The following TMEM117 variants were observed in gnomAD, a reference collection of about 807,000 sequenced individuals.
TMEM117 encodes transmembrane protein 117.
Under a neutral mutation model 52.4 loss-of-function variants are expected in TMEM117, and 27 were observed. That is an observed-to-expected ratio of 0.51 (90% confidence interval 0.38 to 0.71). The LOEUF (loss-of-function observed/expected upper bound fraction) is 0.71. Ranked by LOEUF, TMEM117 falls within the 30% of genes least tolerant of loss-of-function variation. The pLI, the probability that TMEM117 is intolerant of heterozygous loss-of-function variation, is 0.00. For missense variants in TMEM117, 556 were observed against 630.5 expected, an observed-to-expected ratio of 0.88 and a Z score of 1.26; for synonymous variants, 215 against 206.3, an observed-to-expected ratio of 1.04 and a Z score of -0.36.
chr12:44,106,581 T>C (rs1947957878), intron 3 of TMEM117, among the ~76,000 whole-genome samples: 1 of 151,998 alleles, frequency 6.6e-6, no homozygotes, highest in South Asian at 2.1e-4. Flanking sequence ...ATAGTAACTG[T>C]ATTTAACAAT....
At chr12:43,891,367 A>ATTTTTTTTTTTTTTTTTTTTTTTTTTTT (rs772754829) in intron 2 of TMEM117, among the ~76,000 whole-genome samples, 1 of 57,804 alleles carries the variant, frequency 1.7e-5, no homozygotes, top group African/African-American at 5.9e-5. Context: ...TACCTCTTGA[A>ATTTTTTTTTTTTTTTTTTTTTTTTTTTT]TTTTTTTTTT....
chr12:44,171,561 C>G (rs1949046967), intron 4 of TMEM117, among the ~76,000 whole-genome samples: 1 of 152,090 alleles, frequency 6.6e-6, no homozygotes, highest in African/African-American at 2.4e-5. Flanking sequence ...ATTTTTGAAG[C>G]CTCTGAATAC....
intron 3 of TMEM117, among the ~76,000 whole-genome samples, chr12:43,964,849 CT>C: frequency 6.6e-6 from 1 of 152,040 alleles, no homozygotes; most frequent in Non-Finnish European, 1.5e-5. Context: ...GAATGTCATC[CT>C]TAGTTAATAG....
At position 43,944,202 on chromosome 12, in the gene TMEM117, T is replaced by A; in HGVS notation, c.278-8T>A. On this transcript the variant is annotated splice_region_variant and splice_polypyrimidine_tract_variant and intron_variant, in intron 2 of 7. Coordinates refer to ENST00000266534, the MANE Select transcript of TMEM117 (RefSeq NM_032256.3). The stretch of plus-strand genomic sequence containing the variant: ...GTACATTAATTTTTAATAATATTTG[T>A]ATTTCAGGTCAGTTGCTCCGATTAA... 6.2e-7 allele frequency: 1 copy of A among 1,604,492 alleles called. No individual in the cohort carries two copies. Among genetic ancestry groups the A allele is most frequent in the Admixed American group, 1.7e-5 (1 of 57,986 alleles).
chr12:44,161,335 T>A (rs562255894), intron 4 of TMEM117, among the ~76,000 whole-genome samples: 1 of 152,312 alleles, frequency 6.6e-6, no homozygotes, highest in East Asian at 1.9e-4. Flanking sequence ...ATCTCAATTC[T>A]GATACTTAGT....
intron 3 of TMEM117, among the ~76,000 whole-genome samples, chr12:44,006,113 G>A (rs1946191142): frequency 6.6e-6 from 1 of 152,204 alleles, no homozygotes; most frequent in Admixed American, 6.6e-5. Context: ...CCCTGCAGCA[G>A]TATGGCACCA....
At chr12:44,077,304 C>G (rs1225618919) in intron 3 of TMEM117, among the ~76,000 whole-genome samples, 1 of 152,206 alleles carries the variant, frequency 6.6e-6, no homozygotes, top group African/African-American at 2.4e-5. Flanking sequence ...GTCAAGAACT[C>G]TGCTCTAAAG....
intron 4 of TMEM117, among the ~76,000 whole-genome samples, chr12:44,155,631 AG>A (rs1948815528): frequency 6.6e-6 from 1 of 152,132 alleles, no homozygotes; most frequent in Non-Finnish European, 1.5e-5. Flanking sequence ...CTCATCTAGT[AG>A]AAGTGTGAAA....
chr12:44,016,442 C>A (rs559584190), intron 3 of TMEM117, among the ~76,000 whole-genome samples: 1 of 152,348 alleles, frequency 6.6e-6, no homozygotes, highest in South Asian at 2.1e-4. Flanking sequence ...TGTGTCCCAC[C>A]TGCCCTAGGA....
chr12:44,332,545 A>G (rs1951284732), intron 6 of TMEM117, among the ~76,000 whole-genome samples: 1 of 152,100 alleles, frequency 6.6e-6, no homozygotes, highest in South Asian at 2.1e-4. Flanking sequence ...GGCATAATTA[A>G]TATCTAAATT....
intron 5 of TMEM117, among the ~76,000 whole-genome samples, chr12:44,273,220 G>A (rs535179495): frequency 2.6e-5 from 4 of 152,002 alleles, no homozygotes; most frequent in Admixed American, 6.5e-5. Context: ...AGGACCTGTT[G>A]TGGGGTGGAG....
intron 2 of TMEM117, among the ~76,000 whole-genome samples, chr12:43,880,295 C>G (rs1943873998): frequency 6.6e-6 from 1 of 152,104 alleles, no homozygotes. Flanking sequence ...ACTACTTGCA[C>G]TATATACTGT....
rs1162831228 is a variant in TMEM117, at chr12:44,144,984, C to T, written c.510+1360C>T. Among the ~76,000 whole-genome samples the T allele has an allele frequency of 1.1e-4, 17 of 152,108 alleles. 1 individual carries two copies. The highest frequency in any genetic ancestry group is 1.5e-5 in the Non-Finnish European group (1 of 67,982). On this transcript the variant is annotated intron_variant, in intron 4 of 7. Coordinates refer to ENST00000266534, the MANE Select transcript of TMEM117 (RefSeq NM_032256.3). ...CATCCTGGCTAACACGGTGAAACCC[C>T]ATCTCTACTAAAAATACAAAAAATT... is the stretch of plus-strand genomic sequence containing the variant.
chr12:44,306,477 CTA>C (rs1950905059), intron 6 of TMEM117, among the ~76,000 whole-genome samples: 1 of 151,878 alleles, frequency 6.6e-6, no homozygotes, highest in Non-Finnish European at 1.5e-5. Context: ...AGAGGAGAGA[CTA>C]TTAAAAAAAG....
At chr12:44,160,630 C>T (rs888393115) in intron 4 of TMEM117, among the ~76,000 whole-genome samples, 5 of 151,932 alleles carry the variant, frequency 3.3e-5, no homozygotes, top group Admixed American at 2.6e-4. Flanking sequence ...TAGCAAGACA[C>T]TGGCTCCACA....
chr12:44,195,866 C>T (rs1477907872), intron 4 of TMEM117, among the ~76,000 whole-genome samples: 1 of 150,790 alleles, frequency 6.6e-6, no homozygotes, highest in Non-Finnish European at 1.5e-5. Flanking sequence ...CCAGCATGTG[C>T]AACATAGCAA....
At chr12:44,152,867 T>C (rs747493041) in intron 4 of TMEM117, among the ~76,000 whole-genome samples, 6 of 145,350 alleles carry the variant, frequency 4.1e-5, no homozygotes, top group South Asian at 4.2e-4. Flanking sequence ...ACATTATATT[T>C]ATGGAACCAT....
rs115740340 is a variant in TMEM117, at chr12:44,236,352, A to G, written c.608+24965A>G. Reference sequence around the variant, plus strand: ...TTTGTCTCTCCATGCTATGCTTTCAATAGGTTCTCCTAGCCTATTTCTAGT... The same window carrying G: ...TTTGTCTCTCCATGCTATGCTTTCAGTAGGTTCTCCTAGCCTATTTCTAGT... On this transcript the variant is annotated intron_variant, in intron 5 of 7. Coordinates refer to ENST00000266534, the MANE Select transcript of TMEM117 (RefSeq NM_032256.3). 3.0e-3 allele frequency among the ~76,000 whole-genome samples: 462 copies of G among 152,092 alleles called. 2 individuals carry two copies. The highest frequency in any genetic ancestry group is 0.01 in the African/African-American group (433 of 41,510).
chr12:44,232,719 A>G (rs979175557), intron 5 of TMEM117, among the ~76,000 whole-genome samples: 6 of 151,352 alleles, frequency 4.0e-5, no homozygotes, highest in South Asian at 2.1e-4. Flanking sequence ...GAACCTTCCA[A>G]TCTCTGAATA....
Sources: gnomAD v4.1 joint callset for allele counts (sites outside exome capture counted in the v4.1 genomes callset) on GRCh38, gnomAD v4.1.1 for gene constraint, MANE v1.5 for transcripts, NCBI Gene and HGNC (gene_info 2026-07-23, HGNC 2026-07-21) for gene names.